Variants in DENND4C observed in about 807,000 individuals in gnomAD.
DENND4C encodes the protein DENN domain containing 4C, also known as DENN domain-containing protein 4C.
A neutral mutation model predicts 203.0 loss-of-function variants in DENND4C; 108 were observed. That is an observed-to-expected ratio of 0.53 (90% CI 0.46 to 0.62). The LOEUF (loss-of-function observed/expected upper bound fraction) is 0.62, where lower values mean the gene tolerates loss of function less well. Ranked by LOEUF, DENND4C falls within the 20% of genes least tolerant of loss-of-function variation. The pLI is 0.00. For synonymous variants in DENND4C, 871 were observed against 792.4 expected, an observed-to-expected ratio of 1.10 and a Z score of -1.67; for missense variants, 2,481 against 2,301.2, an observed-to-expected ratio of 1.08 and a Z score of -1.60.
intron 1 of DENND4C, among the ~76,000 whole-genome samples, chr9:19,258,031 A>G (rs73425068): frequency 6.6e-6 from 1 of 151,944 alleles, no homozygotes; most frequent in Admixed American, 6.6e-5. Flanking sequence ...GGTGGGAGGA[A>G]CACTTGAGCC....
In DENND4C at chr9:19,295,092, C is replaced by T. The variant is rs180703455; in HGVS notation, c.802-916C>T. ...ACCCCAATTAAAAAAAAATCACAGG[C>T]CGGGTGCAGTGGCTCATGCCTATAA... On this transcript the variant is annotated intron_variant, in intron 5 of 32. Transcript: ENST00000434457. 1.5e-4 allele frequency among the ~76,000 whole-genome samples: 23 copies of T among 152,312 alleles called. No individual in the cohort carries two copies. In the East Asian group the frequency reaches 4.4e-3, roughly 29 times the overall value.
At chr9:19,288,459 T>C (rs1835648017) in intron 3 of DENND4C, 137 bp from the exon 4 acceptor site, 1 of 434,766 alleles carries the variant, frequency 2.3e-6, no homozygotes, top group African/African-American at 2.0e-5. Context: ...TGCTGTATTT[T>C]ATACTGCATA....
chr9:19,366,664 G>T (rs952474215), intron 30 of DENND4C, among the ~76,000 whole-genome samples: 1 of 152,166 alleles, frequency 6.6e-6, no homozygotes, highest in Admixed American at 6.5e-5. Context: ...TAAAAAGAAT[G>T]AAATTGGATA....
Position 19,323,596 on chromosome 9 carries a change from C to T in DENND4C, c.1808-766C>T, listed in dbSNP as rs73645597. 9.9e-3 allele frequency among the ~76,000 whole-genome samples: 1,505 copies of T among 152,078 alleles called. 16 individuals carry two copies. The highest frequency in any genetic ancestry group is 0.032 in the African/African-American group (1,328 of 41,458). On this transcript the variant is annotated intron_variant, in intron 12 of 32. Coordinates refer to ENST00000434457, the MANE Select transcript of DENND4C (RefSeq NM_001330640.2). ...TGTCCCTGAAATCAATAGATGTCTA[C>T]GATTAATAGAGGAAATTGTGGAATA...
chr9:19,349,077 C>G (rs561190268), intron 23 of DENND4C, among the ~76,000 whole-genome samples: 27 of 152,226 alleles, frequency 1.8e-4, no homozygotes, highest in Non-Finnish European at 2.9e-4. Context: ...GGGATTACAG[C>G]CATGAGCCAC....
At position 19,341,142 on chromosome 9, in the gene DENND4C, C is replaced by G. The variant is rs759501045; in HGVS notation, c.3004+28C>G. ...TAAGTACTGATATTTACGAACTTTA[C>G]TTAGAATAATACCTGTATTATTAAT... is the stretch of plus-strand genomic sequence containing the variant. On this transcript the variant is annotated intron_variant, in intron 21 of 32. Coordinates refer to ENST00000434457, the MANE Select transcript of DENND4C (RefSeq NM_001330640.2). 1.0e-5 allele frequency: 16 copies of G among 1,555,054 alleles called. No homozygotes were observed. The South Asian group carries it at 1.8e-4, about 17-fold the overall frequency.
At chr9:19,341,535 A>G (rs1316214791) in intron 21 of DENND4C, among the ~76,000 whole-genome samples, 4 of 151,494 alleles carry the variant, frequency 2.6e-5, no homozygotes, top group African/African-American at 7.3e-5. Context: ...GTCTTGACCT[A>G]CTGAGCTCAA....
intron 30 of DENND4C, among the ~76,000 whole-genome samples, chr9:19,367,565 G>A (rs1329773141): frequency 1.3e-5 from 2 of 152,306 alleles, no homozygotes; most frequent in Admixed American, 6.5e-5. Flanking sequence ...GGGAAACCCC[G>A]TCTCTACTAA....
Position 19,372,069 on chromosome 9 carries a change from A to C in DENND4C, c.5773A>C (p.Asn1925His), listed in dbSNP as rs1272779568. The change falls in exon 33 of 33, where the codon AAT (asparagine) becomes CAT (histidine). Residue 1925 changes from asparagine to histidine, a missense_variant. By Grantham distance (68) the Asn-to-His change is moderately conservative. Coordinates refer to ENST00000434457, the MANE Select transcript of DENND4C (RefSeq NM_001330640.2). ...AFDNEYGIAY[N>H]SLSSEILERL... is the part of the protein sequence containing the mutation. ...TGACAATGAATATGGAATTGCATAC[A>C]ATAGTCTGTCTTCAGAGATTCTTGA... 6.2e-7 allele frequency: 1 copy of C among 1,613,782 alleles called. No homozygotes were observed. Among genetic ancestry groups the C allele is most frequent in the Non-Finnish European group, 8.5e-7 (1 of 1,179,948 alleles).
intron 21 of DENND4C, among the ~76,000 whole-genome samples, chr9:19,341,760 A>C (rs1375386483): frequency 6.6e-6 from 1 of 152,130 alleles, no homozygotes; most frequent in East Asian, 1.9e-4. Flanking sequence ...TGCCCTTTTT[A>C]ATTCTAAAAG....
intron 16 of DENND4C, 146 bp downstream of exon 16, chr9:19,328,308 A>G (rs1277295689): frequency 3.3e-6 from 3 of 896,110 alleles, no homozygotes; most frequent in Non-Finnish European, 4.8e-6. Context: ...ATTTCTTGCA[A>G]GCCTACTTAA....
intron 1 of DENND4C, among the ~76,000 whole-genome samples, chr9:19,231,273 G>T (rs1005663245): frequency 4.6e-5 from 7 of 152,268 alleles, no homozygotes; most frequent in African/African-American, 1.7e-4. Flanking sequence ...CAGGGGTGGC[G>T]GGCAGTCTCG....
chr9:19,240,357 C>A (rs1220896978), intron 1 of DENND4C, among the ~76,000 whole-genome samples: 1 of 151,992 alleles, frequency 6.6e-6, no homozygotes, highest in Non-Finnish European at 1.5e-5. Flanking sequence ...AGAAAAGATA[C>A]AATAAAAATA....
Position 19,357,078 on chromosome 9 carries a change from G to A in DENND4C, c.4888G>A (p.Asp1630Asn), listed in dbSNP as rs1397809318. 3.7e-6 allele frequency: 6 copies of A among 1,613,786 alleles called. No homozygotes were observed. Among genetic ancestry groups the A allele is most frequent in the African/African-American group, 2.7e-5 (2 of 74,898 alleles). ...ACCTGTATCCAGTTTAGCAGAACCT[G>A]ACTTGATCAACTTTATGGACTTCCC... ...HKPVSSLAEPDLINFMDFPKH... is the reference protein window; with the variant it reads ...HKPVSSLAEPNLINFMDFPKH... Residue 1630 changes from aspartate to asparagine, a missense_variant, in exon 27 of 33, where the codon GAC becomes AAC. Asp to Asn is a conservative substitution (Grantham distance 23). Around this residue, in one of 3 missense-constraint regions of DENND4C, gnomAD observed 2,289 missense variants for 2,113.3 expected, o/e 1.08. Coordinates refer to ENST00000434457, the MANE Select transcript of DENND4C (RefSeq NM_001330640.2).
chr9:19,334,041 T>C (rs976152610), intron 17 of DENND4C, among the ~76,000 whole-genome samples: 4 of 152,050 alleles, frequency 2.6e-5, no homozygotes. Context: ...TTTATTTATA[T>C]TTATTTATTT....
At chr9:19,341,457 G>A (rs538480206) in intron 21 of DENND4C, among the ~76,000 whole-genome samples, 100 of 151,744 alleles carry the variant, frequency 6.6e-4, no homozygotes, top group Middle Eastern at 3.4e-3. Context: ...CCACAGGCAC[G>A]TGCCACCACA....
At chr9:19,249,594 C>A (rs1210253648) in intron 1 of DENND4C, among the ~76,000 whole-genome samples, 2 of 152,110 alleles carry the variant, frequency 1.3e-5, no homozygotes, top group Admixed American at 1.3e-4. Flanking sequence ...GAACTCCTTT[C>A]CCTTTAGCCA....
At chr9:19,258,134 A>T (rs56725117) in intron 1 of DENND4C, among the ~76,000 whole-genome samples, 4 of 95,192 alleles carry the variant, frequency 4.2e-5, no homozygotes, top group African/African-American at 1.6e-4. Context: ...TCAATCAATC[A>T]ATCTATCTAT....
intron 1 of DENND4C, among the ~76,000 whole-genome samples, chr9:19,266,602 CA>C (rs1345302391): frequency 6.6e-6 from 1 of 152,182 alleles, no homozygotes; most frequent in Non-Finnish European, 1.5e-5. Context: ...GTAACCAAAA[CA>C]GCATGGTACT....
Sources: gnomAD v4.1 joint callset for allele counts (sites outside exome capture counted in the v4.1 genomes callset) on GRCh38, gnomAD v4.1.1 for gene constraint, gnomAD v4.1.1 regional missense constraint, MANE v1.5 for transcripts, NCBI Gene and HGNC (gene_info 2026-07-23, HGNC 2026-07-21) for gene names.